SNX9: variants seen among roughly 807,000 people sequenced by gnomAD.
SNX9 encodes the protein sorting nexin-9.
SNX9 carries 44 observed loss-of-function variants against 89.4 expected under a neutral mutation model. That is an observed-to-expected ratio of 0.49 (90% CI 0.39 to 0.63). The LOEUF is 0.63. Ranked by LOEUF, SNX9 falls within the 30% of genes least tolerant of loss-of-function variation. SNX9 has a pLI of 0.00. For synonymous variants in SNX9, 236 were observed against 247.8 expected (o/e 0.95, Z 0.45); for missense variants, 578 against 736.1 (o/e 0.79, Z 2.49).
intron 1 of SNX9, among the ~76,000 whole-genome samples, chr6:157,851,026 T>C (rs957469887): frequency 3.6e-4 from 55 of 152,208 alleles, no homozygotes; most frequent in African/African-American, 1.3e-3. Flanking sequence ...GAGACTGAAG[T>C]GAGTGAATCA....
intron 2 of SNX9, 185 bp from the exon 3 acceptor site, chr6:157,872,917 G>T: frequency 2.2e-6 from 1 of 447,420 alleles, no homozygotes; most frequent in East Asian, 3.4e-5. Context: ...TTGTTTTTAG[G>T]TTACATCATT....
At chr6:157,932,866 CAAAAAAAAAAAA>C (rs10545432) in intron 13 of SNX9, among the ~76,000 whole-genome samples, 11 of 39,202 alleles carry the variant, frequency 2.8e-4, no homozygotes, top group Admixed American at 2.7e-3. Context: ...GACCCTGTCT[CAAAAAAAAAAAA>C]AAAAAAAAAA....
chr6:157,851,965 G>A (rs1393213471), intron 1 of SNX9, among the ~76,000 whole-genome samples: 2 of 152,098 alleles, frequency 1.3e-5, no homozygotes, highest in Non-Finnish European at 2.9e-5. Flanking sequence ...GCATGTATCC[G>A]AACTTCATTT....
rs185105801 is a variant in SNX9 at position 157,849,198 on chromosome 6, T to C, written c.13-18349T>C. Reference sequence around the variant, plus strand: ...GATAAGGCCACGGAGGTGTTCAGGGTCAGGTGATCATATAATTTTTTAGTC... The same window carrying C: ...GATAAGGCCACGGAGGTGTTCAGGGCCAGGTGATCATATAATTTTTTAGTC... On this transcript the variant is annotated intron_variant, in intron 1 of 17. Coordinates refer to ENST00000392185, the MANE Select transcript of SNX9 (RefSeq NM_016224.5). Among the ~76,000 whole-genome samples the C allele has an allele frequency of 2.4e-3, 363 of 152,260 alleles. 1 individual carries two copies. Among genetic ancestry groups the C allele is most frequent in the Non-Finnish European group, 4.2e-3 (284 of 68,006 alleles).
chr6:157,850,010 G>A (rs550595666), intron 1 of SNX9, among the ~76,000 whole-genome samples: 1 of 152,310 alleles, frequency 6.6e-6, no homozygotes, highest in South Asian at 2.1e-4. Context: ...GTAGGACCCT[G>A]GAAAACACAG....
At chr6:157,918,467 G>A (rs954910563) in intron 9 of SNX9, among the ~76,000 whole-genome samples, 2 of 151,952 alleles carry the variant, frequency 1.3e-5, no homozygotes, top group Non-Finnish European at 2.9e-5. Flanking sequence ...TTTCCCATCC[G>A]TTTACTTTCA....
At chr6:157,867,502 C>A (rs990510890) in intron 1 of SNX9, 45 bp from the exon 2 acceptor site, 13 of 1,502,790 alleles carry the variant, frequency 8.7e-6, no homozygotes, top group Non-Finnish European at 1.1e-5. Context: ...TTTTACTACT[C>A]TGTTTGTGTT....
chr6:157,837,217 G>C (rs1297638807), intron 1 of SNX9, among the ~76,000 whole-genome samples: 3 of 152,170 alleles, frequency 2.0e-5, no homozygotes, highest in African/African-American at 7.2e-5. Flanking sequence ...CAGTTCTTTT[G>C]ATTGATCGTT....
chr6:157,938,722 C>T lies in SNX9; in HGVS notation c.1623C>T (p.Val541=). 1 of 1,613,918 alleles carries T rather than the reference C, an allele frequency of 6.2e-7. No individual in the cohort carries two copies. Among genetic ancestry groups the T allele is most frequent in the South Asian group, 1.1e-5 (1 of 91,014 alleles). The change falls in exon 16 of 18, where the codon GTC becomes GTT. Residue 541 remains valine, a synonymous_variant. Transcript: ENST00000392185. ...ACAAACAGAACATGGTGAAGAGAGT[C>T]AGCATCATGTCTTACGCGTTGCAAG... is the stretch of plus-strand genomic sequence containing the variant. ...LQDKQNMVKR[V]SIMSYALQAE... is the part of the protein sequence containing the mutation.
chr6:157,905,871 C>T (rs1290330166), intron 6 of SNX9, among the ~76,000 whole-genome samples: 1 of 152,200 alleles, frequency 6.6e-6, no homozygotes, highest in Non-Finnish European at 1.5e-5. Context: ...GTTTCAGACA[C>T]AGTCAAGCAA....
At chr6:157,941,399 G>T (rs1010791282) in intron 17 of SNX9, among the ~76,000 whole-genome samples, 3 of 152,144 alleles carry the variant, frequency 2.0e-5, no homozygotes, top group African/African-American at 7.2e-5. Flanking sequence ...TTGTGAATGA[G>T]GTTTTCACAG....
chr6:157,876,091 A>G lies in SNX9; in HGVS notation c.300+915A>G, dbSNP rs565119420. ...TCTTGATTTTTTTTTTAACTACATA[A>G]AAGGTTTTAAATTCTATCAGGCCTG... On this transcript the variant is annotated intron_variant, in intron 4 of 17. Transcript: ENST00000392185. 7.2e-5 allele frequency among the ~76,000 whole-genome samples: 11 copies of G among 152,204 alleles called. No homozygotes were observed. In the South Asian group the frequency reaches 2.3e-3, roughly 32 times the overall value.
At position 157,928,773 on chromosome 6, in the gene SNX9, T is replaced by A. The variant is rs185526171; in HGVS notation, c.1288+71T>A. 4.2e-6 allele frequency: 5 copies of A among 1,198,016 alleles called. No homozygotes were observed. The African/African-American group carries it at 7.9e-5, about 19-fold the overall frequency. 74.2% of individuals were successfully genotyped at this position (1,198,016 alleles called of 1,614,324 possible). On this transcript the variant is annotated intron_variant, in intron 12 of 17. Coordinates refer to ENST00000392185, the MANE Select transcript of SNX9 (RefSeq NM_016224.5). ...AGGCTCAGTTTTATGTCCCTTATCATAGAGGGGAACCTGCTGCCTCGAACA... is the reference window on the plus strand; with the variant it reads ...AGGCTCAGTTTTATGTCCCTTATCAAAGAGGGGAACCTGCTGCCTCGAACA...
chr6:157,835,137 C>G (rs1342276868), intron 1 of SNX9, among the ~76,000 whole-genome samples: 1 of 151,944 alleles, frequency 6.6e-6, no homozygotes, highest in Non-Finnish European at 1.5e-5. Context: ...CTCAGCCTCC[C>G]AGGCAACTGG....
intron 1 of SNX9, among the ~76,000 whole-genome samples, chr6:157,865,193 G>A (rs1782233287): frequency 6.6e-6 from 1 of 151,866 alleles, no homozygotes. Flanking sequence ...ATGAAAATTA[G>A]CCAAGTGTGG....
At chr6:157,874,126 A>G (rs1782472258) in intron 3 of SNX9, 1 of 152,294 alleles carries the variant, frequency 6.6e-6, no homozygotes, top group Non-Finnish European at 1.5e-5. Flanking sequence ...ACCTGTCTGC[A>G]GAGTGAGATC....
chr6:157,917,517 T>C (rs1318671925), intron 9 of SNX9, among the ~76,000 whole-genome samples: 1 of 152,170 alleles, frequency 6.6e-6, no homozygotes, highest in Admixed American at 6.6e-5. Context: ...CATTTTCTAA[T>C]TTTTCTCATA....
intron 1 of SNX9, among the ~76,000 whole-genome samples, chr6:157,844,600 G>GTTTTTTTTTTTTTTTTTTTTTTTTT (rs34836632): frequency 5.3e-5 from 7 of 131,832 alleles, no homozygotes; most frequent in East Asian, 2.3e-4. Flanking sequence ...TTTTTTTTTT[G>GTTTTTTTTTTTTTTTTTTTTTTTTT]TTTTTTTTTT....
intron 3 of SNX9, among the ~76,000 whole-genome samples, chr6:157,873,863 A>G (rs1782467250): frequency 6.6e-6 from 1 of 152,082 alleles, no homozygotes; most frequent in Non-Finnish European, 1.5e-5. Flanking sequence ...GGAGAGCAAC[A>G]CAGCAGCCTG....
Sources: allele counts gnomAD v4.1 joint callset (sites outside exome capture counted in the v4.1 genomes callset), GRCh38; gene constraint gnomAD v4.1.1; transcripts MANE v1.5; gene names NCBI Gene and HGNC (gene_info 2026-07-23, HGNC 2026-07-21).